The following RPS29 variants were observed in gnomAD, a reference collection of about 807,000 sequenced individuals.
RPS29 encodes small ribosomal subunit protein uS14.
For synonymous variants in RPS29, 37 were observed against 26.9 expected (o/e 1.37, Z -1.16); for missense variants, 60 against 75.7 (o/e 0.79, Z 0.77).
chr14:49,596,323 A>T (rs901064152), intron 1 of RPS29, among the ~76,000 whole-genome samples: 5 of 152,152 alleles, frequency 3.3e-5, no homozygotes, highest in Non-Finnish European at 7.4e-5. Context: ...ATTATTTTTA[A>T]CTCCTTATGT....
At chr14:49,596,526 G>A (rs1881825271) in intron 1 of RPS29, among the ~76,000 whole-genome samples, 1 of 152,036 alleles carries the variant, frequency 6.6e-6, no homozygotes, top group Admixed American at 6.5e-5. Flanking sequence ...AAATTTGGGT[G>A]GACAAAGGGG....
At chr14:49,597,512 A>C (rs1045222286) in intron 1 of RPS29, 90 of 152,344 alleles carry the variant, frequency 5.9e-4, no homozygotes, top group Middle Eastern at 3.4e-3. Context: ...AAAGAACAAA[A>C]GCAGGTAACT....
At chr14:49,585,659 C>G (rs947007104) in intron 2 of RPS29, 6 of 444,726 alleles carry the variant, frequency 1.3e-5, no homozygotes, top group African/African-American at 1.2e-4. Flanking sequence ...AGTGGCTTCT[C>G]TAAAGTGAAT....
downstream of RPS29, among the ~76,000 whole-genome samples, chr14:49,582,886 T>G (rs2139509146): frequency 6.6e-6 from 1 of 152,334 alleles, no homozygotes; most frequent in South Asian, 2.1e-4. Context: ...GAGTCCAACT[T>G]GTACAACCCC....
chr14:49,594,439 C>A (rs184933502), intron 1 of RPS29, among the ~76,000 whole-genome samples: 64 of 152,000 alleles, frequency 4.2e-4, no homozygotes, highest in Non-Finnish European at 7.6e-4. Context: ...CAAAGTAATG[C>A]AGCTCTGAAT....
intron 2 of RPS29, among the ~76,000 whole-genome samples, chr14:49,578,139 T>C (rs1881237077): frequency 6.6e-6 from 1 of 152,088 alleles, no homozygotes; most frequent in Admixed American, 6.5e-5. Flanking sequence ...AGATTAGACT[T>C]GTTTTGTACA....
chr14:49,583,887 G>C (rs148293651), intron 2 of RPS29, among the ~76,000 whole-genome samples: 1 of 152,158 alleles, frequency 6.6e-6, no homozygotes, highest in African/African-American at 2.4e-5. Flanking sequence ...TAACGCTATC[G>C]CACTTCTTCC....
chr14:49,584,994 T>G (rs1453975366), intron 2 of RPS29, among the ~76,000 whole-genome samples: 1 of 152,168 alleles, frequency 6.6e-6, no homozygotes, highest in African/African-American at 2.4e-5. Context: ...AAGCACTAAA[T>G]GGCAGACCAT....
intron 2 of RPS29, among the ~76,000 whole-genome samples, chr14:49,584,328 C>T (rs1881441671): frequency 1.3e-5 from 2 of 152,212 alleles, no homozygotes; most frequent in Admixed American, 6.5e-5. Flanking sequence ...CATTTTCTTA[C>T]GTATGATATA....
At chr14:49,573,662 T>G (rs1881111120) in exon 3 of RPS29, 1 of 152,162 alleles carries the variant, frequency 6.6e-6, no homozygotes, top group South Asian at 2.1e-4. Context: ...ACCCCTTGGA[T>G]TTCTCAAGCA....
upstream of RPS29, chr14:49,586,390 C>G (rs1478387632): frequency 7.8e-6 from 12 of 1,545,016 alleles, no homozygotes; most frequent in South Asian, 6.7e-5. Context: ...GAAGCTGGCC[C>G]ACGCATGCGC....
At chr14:49,582,725 C>T (rs1051915302), downstream of RPS29, among the ~76,000 whole-genome samples, 1 of 152,180 alleles carries the variant, frequency 6.6e-6, no homozygotes, top group African/African-American at 2.4e-5. Context: ...ACAGGGTATA[C>T]CCTAACAACA....
In RPS29 at chr14:49,586,190, C is replaced by T. The variant is rs1488805631; in HGVS notation, c.62+95G>A. ...GCACCAGCGACTCCCAGTCGGCGTGCTCCCTCGTGCCGCCCGTGGCCTCCT... is the reference window on the plus strand; with the variant it reads ...GCACCAGCGACTCCCAGTCGGCGTGTTCCCTCGTGCCGCCCGTGGCCTCCT... On this transcript the variant is annotated intron_variant, in intron 1 of 2. Coordinates refer to ENST00000245458, the MANE Select transcript of RPS29 (RefSeq NM_001032.5). The T allele has an allele frequency of 3.5e-6, 5 of 1,428,988 alleles. No individual in the cohort carries two copies. In the Admixed American group the frequency reaches 8.4e-5, roughly 24 times the overall value. 88.5% of individuals were successfully genotyped at this position (1,428,988 alleles called of 1,614,324 possible). A position where few individuals can be genotyped will look rare whatever the true frequency, so the allele number is the denominator to read the frequency against.
chr14:49,586,254 C>A (rs756713204), intron 1 of RPS29, 31 bp downstream of exon 1: 24 of 1,609,038 alleles, frequency 1.5e-5, no homozygotes, highest in Non-Finnish European at 2.0e-5. Flanking sequence ...TCCACGGCAA[C>A]GCTTCCCCAA....
At chr14:49,586,171 G>A (rs538656639) in intron 1 of RPS29, 114 bp downstream of exon 1, 3 of 1,390,246 alleles carry the variant, frequency 2.2e-6, no homozygotes, top group South Asian at 1.2e-5. Context: ...GGCGGCACCA[G>A]CGACTCCCAG....
chr14:49,588,380 G>A (rs533779910), upstream of RPS29, among the ~76,000 whole-genome samples: 1 of 152,258 alleles, frequency 6.6e-6, no homozygotes, highest in South Asian at 2.1e-4. Flanking sequence ...CAGCTAAGAC[G>A]TCGTACTTCC....
chr14:49,586,182 T>C (rs1261688853), intron 1 of RPS29, 103 bp downstream of exon 1: 2 of 1,411,076 alleles, frequency 1.4e-6, no homozygotes, highest in African/African-American at 1.4e-5. Context: ...CGACTCCCAG[T>C]CGGCGTGCTC....
At chr14:49,583,964 T>C (rs962336788) in intron 2 of RPS29, among the ~76,000 whole-genome samples, 2 of 152,194 alleles carry the variant, frequency 1.3e-5, no homozygotes, top group Admixed American at 1.3e-4. Flanking sequence ...AGTTGTTCAG[T>C]AGGCAACTAT....
chr14:49,577,831 C>A, exon 3 of RPS29: 1 of 1,600,298 alleles, frequency 6.2e-7, no homozygotes, highest in East Asian at 2.3e-5. Context: ...TAGGCAGTGC[C>A]AAGGAAGACA....
Sources: gnomAD v4.1 joint callset for allele counts (sites outside exome capture counted in the v4.1 genomes callset) on GRCh38, gnomAD v4.1.1 for gene constraint, MANE v1.5 for transcripts, NCBI Gene and HGNC (gene_info 2026-07-23, HGNC 2026-07-21) for gene names.